The following LY6S variants were observed in gnomAD, a reference collection of about 807,000 sequenced individuals.
LY6S encodes the protein lymphocyte antigen 6S.
the LY6S span, among the ~76,000 whole-genome samples, chr8:143,074,140 G>A: frequency 6.6e-6 from 1 of 152,190 alleles, no homozygotes; most frequent in South Asian, 2.1e-4. Flanking sequence ...ACTTCATGGA[G>A]TTTGATAAGC....
At chr8:143,056,272 T>C in the LY6S span, among the ~76,000 whole-genome samples, 1 of 149,906 alleles carries the variant, frequency 6.7e-6, no homozygotes, top group African/African-American at 2.5e-5. Context: ...GGGAAACATA[T>C]AGACTTTAAT....
chr8:143,070,456 A>ATATATAT, the LY6S span, among the ~76,000 whole-genome samples: 77 of 43,402 alleles, frequency 1.8e-3, 6 homozygotes, highest in African/African-American at 5.7e-3. Flanking sequence ...GTATATATAT[A>ATATATAT]TATATATAAT....
chr8:143,050,155 T>C, the LY6S span, among the ~76,000 whole-genome samples: 3 of 149,758 alleles, frequency 2.0e-5, no homozygotes, highest in Admixed American at 6.7e-5. Context: ...GCCATTCTAG[T>C]AGAAGAAGCC....
the LY6S span, chr8:143,042,884 T>C: frequency 3.2e-6 from 2 of 633,392 alleles, no homozygotes; most frequent in African/African-American, 3.8e-5. Flanking sequence ...AAAAGTGGTG[T>C]TGTTGGGGGG....
At chr8:143,043,107 G>A in the LY6S span, 1 of 1,367,562 alleles carries the variant, frequency 7.3e-7, no homozygotes, top group Non-Finnish European at 9.8e-7. Context: ...CGGGGGAGAG[G>A]GCGGGAAAGG....
At chr8:143,052,278 C>A in the LY6S span, among the ~76,000 whole-genome samples, 1 of 151,702 alleles carries the variant, frequency 6.6e-6, no homozygotes, top group Admixed American at 6.6e-5. Context: ...GAGACTCCGT[C>A]TCAAAAAAAA....
the LY6S span, chr8:143,042,895 C>A: frequency 1.4e-6 from 1 of 736,658 alleles, no homozygotes; most frequent in Non-Finnish European, 2.2e-6. Context: ...TGTTGGGGGG[C>A]ATGGGCTGGA....
At chr8:143,048,653 G>C in the LY6S span, among the ~76,000 whole-genome samples, 1 of 151,916 alleles carries the variant, frequency 6.6e-6, no homozygotes, top group Non-Finnish European at 1.5e-5. Context: ...ACTTTTAGTA[G>C]AGATGGGGGT....
At chr8:143,041,560 A>G in the LY6S span, among the ~76,000 whole-genome samples, 2 of 152,230 alleles carry the variant, frequency 1.3e-5, no homozygotes, top group African/African-American at 2.4e-5. Context: ...GGCAATATAC[A>G]TCCTCCTCAG....
At chr8:143,075,197 C>T in the LY6S span, among the ~76,000 whole-genome samples, 1 of 152,152 alleles carries the variant, frequency 6.6e-6, no homozygotes, top group Non-Finnish European at 1.5e-5. This position sits in a 1 kb window ranked among gnomAD's most constrained non-coding sequence, Gnocchi z 4.1. Flanking sequence ...AACACACAGC[C>T]ATGGCTGTGC....
At chr8:143,042,714 TCAGGTAGCC>T in the LY6S span, among the ~76,000 whole-genome samples, 4 of 152,112 alleles carry the variant, frequency 2.6e-5, no homozygotes, top group Non-Finnish European at 5.9e-5. Context: ...TTGCTTGGAT[TCAGGTAGCC>T]CAGAGAGCTG....
At chr8:143,053,186 C>A in the LY6S span, 2 of 152,140 alleles carry the variant, frequency 1.3e-5, no homozygotes, top group East Asian at 1.9e-4. Flanking sequence ...CCAGCTGGGC[C>A]CACATGACCA....
the LY6S span, among the ~76,000 whole-genome samples, chr8:143,049,857 T>C: frequency 6.6e-6 from 1 of 152,212 alleles, no homozygotes; most frequent in African/African-American, 2.4e-5. Context: ...ACATGTCCCA[T>C]AAATGATCTA....
chr8:143,061,726 T>TA, the LY6S span, among the ~76,000 whole-genome samples: 36,500 of 152,066 alleles, frequency 0.24, 6,387 homozygotes, highest in African/African-American at 0.48. Flanking sequence ...GTATATTTAG[T>TA]GAGATGGGTT....
chr8:143,065,559 T>G, the LY6S span, among the ~76,000 whole-genome samples: 36,431 of 151,760 alleles, frequency 0.24, 6,380 homozygotes, highest in African/African-American at 0.48. Flanking sequence ...TGCAATAGAA[T>G]ATTTTTTTTT....
the LY6S span, among the ~76,000 whole-genome samples, chr8:143,074,075 T>G: frequency 6.6e-6 from 1 of 152,348 alleles, no homozygotes; most frequent in Admixed American, 6.5e-5. Context: ...CTCTTTTCCT[T>G]TAGTTTCAGC....
the LY6S span, among the ~76,000 whole-genome samples, chr8:143,048,693 C>T: frequency 4.6e-5 from 7 of 152,206 alleles, no homozygotes; most frequent in Middle Eastern, 3.4e-3. Context: ...TGGTCTCGAA[C>T]TGCTGACCTC....
At chr8:143,057,927 C>T in the LY6S span, 13,434 of 574,520 alleles carry the variant, frequency 0.023, 796 homozygotes, top group East Asian at 0.16. Flanking sequence ...GCCCACGGTG[C>T]GGGTGGTCTC....
the LY6S span, among the ~76,000 whole-genome samples, chr8:143,043,672 T>A: frequency 6.6e-6 from 1 of 151,910 alleles, no homozygotes. Context: ...GGCTGGCTTT[T>A]TTTTTTTTAA....
Sources: gnomAD v4.1 joint callset for allele counts (sites outside exome capture counted in the v4.1 genomes callset) on GRCh38, gnomAD v4.1.1 for gene constraint, Gnocchi (gnomAD v3.1) non-coding constraint, MANE v1.5 for transcripts, NCBI Gene and HGNC (gene_info 2026-07-23, HGNC 2026-07-21) for gene names.